HS6ST3: variants seen among roughly 807,000 people sequenced by gnomAD.
HS6ST3 encodes the protein heparan sulfate 6-O-sulfotransferase 3.
A neutral mutation model predicts 36.7 loss-of-function variants in HS6ST3; 12 were observed. The ratio of observed to expected loss-of-function variants is 0.33; its 90% CI spans 0.21 to 0.53. The LOEUF (loss-of-function observed/expected upper bound fraction) is 0.53, where lower values mean the gene tolerates loss of function less well. Ranked by LOEUF, HS6ST3 falls within the 20% of genes least tolerant of loss-of-function variation. HS6ST3 has a pLI of 0.95. For synonymous variants in HS6ST3, 240 were observed against 257.5 expected, an observed-to-expected ratio of 0.93 and a Z score of 0.65; for missense variants, 584 against 640.9, an observed-to-expected ratio of 0.91 and a Z score of 0.96.
chr13:96,712,081 G>C (rs1875577753), intron 1 of HS6ST3, among the ~76,000 whole-genome samples: 1 of 152,050 alleles, frequency 6.6e-6, no homozygotes, highest in South Asian at 2.1e-4. Flanking sequence ...TCTCTAATAT[G>C]GTGTATTTGT....
chr13:96,711,342 C>A (rs930760399), intron 1 of HS6ST3, among the ~76,000 whole-genome samples: 1 of 152,060 alleles, frequency 6.6e-6, no homozygotes, highest in Admixed American at 6.6e-5. Flanking sequence ...ACTAAGTGCT[C>A]TAATGATATG....
intron 1 of HS6ST3, among the ~76,000 whole-genome samples, chr13:96,144,674 G>T (rs1408939961): frequency 1.3e-5 from 2 of 150,522 alleles, no homozygotes; most frequent in Non-Finnish European, 3.0e-5. Flanking sequence ...AAGTTTTAGG[G>T]TACATGTGCA....
At position 96,658,268 on chromosome 13, in the gene HS6ST3, C is replaced by CTTCTTTTTTTTTT. The variant is rs1566422902; in HGVS notation, c.708-174220_708-174219insCTTTTTTTTTTTT. Among the ~76,000 whole-genome samples the CTTCTTTTTTTTTT allele has an allele frequency of 1.8e-3, 138 of 76,014 alleles. 1 individual carries two copies. The highest frequency in any genetic ancestry group is 2.7e-3 in the Non-Finnish European group (109 of 40,918). 49.9% of individuals were successfully genotyped at this position (76,014 alleles called of 152,430 possible). ...TTCTTCTTCTTCTTCTCTTCTTCTT[C>CTTCTTTTTTTTTT]TTTTTTTTTTTTTTTTTTTTTTTTT... On this transcript the variant is annotated intron_variant, in intron 1 of 1. Transcript: ENST00000376705.
intron 1 of HS6ST3, among the ~76,000 whole-genome samples, chr13:96,671,349 G>T (rs1161175937): frequency 6.6e-6 from 1 of 152,068 alleles, no homozygotes; most frequent in Non-Finnish European, 1.5e-5. Flanking sequence ...CCTCTTCCCA[G>T]TGTGATTGAG....
At chr13:96,644,609 G>T (rs146338419) in intron 1 of HS6ST3, among the ~76,000 whole-genome samples, 1 of 152,102 alleles carries the variant, frequency 6.6e-6, no homozygotes, top group Non-Finnish European at 1.5e-5. Context: ...AGTAGAAGCA[G>T]CCTAGGAGAC....
chr13:96,561,096 A>G (rs60157974), intron 1 of HS6ST3, among the ~76,000 whole-genome samples: 2,674 of 152,306 alleles, frequency 0.018, 81 homozygotes, highest in African/African-American at 0.06. Flanking sequence ...CAAAAAAACA[A>G]AGCCAGAGGC....
intron 1 of HS6ST3, among the ~76,000 whole-genome samples, chr13:96,444,100 T>C (rs79962253): frequency 0.02 from 2,996 of 152,274 alleles, 59 homozygotes; most frequent in East Asian, 0.11. Context: ...TGAGGACCGG[T>C]GGAGAAAAGT....
At chr13:96,590,576 T>C (rs1409531148) in intron 1 of HS6ST3, among the ~76,000 whole-genome samples, 1 of 152,112 alleles carries the variant, frequency 6.6e-6, no homozygotes, top group Non-Finnish European at 1.5e-5. Flanking sequence ...GCTCCTTTTA[T>C]ATTCTAGTTA....
intron 1 of HS6ST3, among the ~76,000 whole-genome samples, chr13:96,809,098 A>C (rs1180802604): frequency 6.6e-6 from 1 of 152,198 alleles, no homozygotes; most frequent in Non-Finnish European, 1.5e-5. Flanking sequence ...CTATTGGCTT[A>C]ATATTTTAGA....
Position 96,614,323 on chromosome 13 carries a change from AAAAAAC to A in HS6ST3, c.708-218165_708-218160del, listed in dbSNP as rs1400889986. Among the ~76,000 whole-genome samples, 318 of 136,046 alleles carry A rather than the reference AAAAAAC, an allele frequency of 2.3e-3. 3 individuals are homozygous for A. Among genetic ancestry groups the A allele is most frequent in the African/African-American group, 8.3e-3 (295 of 35,344 alleles). 89.3% of individuals were successfully genotyped at this position (136,046 alleles called of 152,430 possible). Reference sequence around the variant, plus strand: ...AAAAAAAAAAAAAAAAAAAAAAAAAAAAAAACAGTTATTACCAGAGTGCAGCAGAAA... The same window carrying A: ...AAAAAAAAAAAAAAAAAAAAAAAAAAAGTTATTACCAGAGTGCAGCAGAAA... On this transcript the variant is annotated intron_variant, in intron 1 of 1. Transcript: ENST00000376705.
chr13:96,716,042 A>G (rs1397098553), intron 1 of HS6ST3, among the ~76,000 whole-genome samples: 2 of 152,176 alleles, frequency 1.3e-5, no homozygotes, highest in Admixed American at 1.3e-4. Flanking sequence ...ATTAATAAAG[A>G]CTATTTGTAG....
At chr13:96,314,573 G>A (rs1242720189) in intron 1 of HS6ST3, among the ~76,000 whole-genome samples, 1 of 152,082 alleles carries the variant, frequency 6.6e-6, no homozygotes, top group African/African-American at 2.4e-5. Flanking sequence ...TATGTCTTTG[G>A]AGAGGGTAGA....
intron 1 of HS6ST3, among the ~76,000 whole-genome samples, chr13:96,634,186 T>G (rs2056541284): frequency 6.6e-6 from 1 of 152,152 alleles, no homozygotes; most frequent in Non-Finnish European, 1.5e-5. Flanking sequence ...AGCCACCCCA[T>G]CTATGATCTT....
intron 1 of HS6ST3, among the ~76,000 whole-genome samples, chr13:96,218,234 G>A (rs764966351): frequency 6.6e-6 from 1 of 152,182 alleles, no homozygotes; most frequent in African/African-American, 2.4e-5. Flanking sequence ...ACCAGTGAAT[G>A]TCAGGTAAGG....
intron 1 of HS6ST3, among the ~76,000 whole-genome samples, chr13:96,147,828 A>G (rs2054065642): frequency 1.3e-5 from 2 of 152,248 alleles, no homozygotes; most frequent in Admixed American, 1.3e-4. Flanking sequence ...TGCAAATGAA[A>G]ATTTGTAACA....
At chr13:96,198,494 T>A (rs1303184916) in intron 1 of HS6ST3, among the ~76,000 whole-genome samples, 1 of 152,248 alleles carries the variant, frequency 6.6e-6, no homozygotes, top group Non-Finnish European at 1.5e-5. Flanking sequence ...TAAAACTAAA[T>A]GCCTTTAACA....
At chr13:96,698,007 G>A (rs999002180) in intron 1 of HS6ST3, among the ~76,000 whole-genome samples, 1 of 151,982 alleles carries the variant, frequency 6.6e-6, no homozygotes, top group Non-Finnish European at 1.5e-5. Context: ...TCCAGAGAAG[G>A]ATGTAATATG....
intron 1 of HS6ST3, among the ~76,000 whole-genome samples, chr13:96,165,779 A>G (rs1210445615): frequency 6.6e-6 from 1 of 152,200 alleles, no homozygotes; most frequent in Non-Finnish European, 1.5e-5. Flanking sequence ...CAGAGCAAGT[A>G]TGTAGCCAAA....
chr13:96,647,120 G>C (rs1386112752), intron 1 of HS6ST3, among the ~76,000 whole-genome samples: 1 of 151,854 alleles, frequency 6.6e-6, no homozygotes, highest in East Asian at 1.9e-4. Context: ...CACTGGGGGT[G>C]GAATCTAAAT....
Sources: allele counts gnomAD v4.1 joint callset (sites outside exome capture counted in the v4.1 genomes callset), GRCh38; gene constraint gnomAD v4.1.1; transcripts MANE v1.5; gene names NCBI Gene and HGNC (gene_info 2026-07-23, HGNC 2026-07-21).